GALNTL6: variants seen among roughly 807,000 people sequenced by gnomAD.
The protein encoded by GALNTL6 is polypeptide N-acetylgalactosaminyltransferase like 6, also known as polypeptide N-acetylgalactosaminyltransferase-like 6.
GALNTL6 carries 46 observed loss-of-function variants against 73.7 expected under a neutral mutation model. The ratio of observed to expected loss-of-function variants is 0.62; its 90% confidence interval spans 0.49 to 0.80. GALNTL6 has a LOEUF of 0.80. Ranked by LOEUF, GALNTL6 falls within the 30% of genes least tolerant of loss-of-function variation. The pLI is 0.00. For synonymous variants in GALNTL6, 259 were observed against 263.7 expected, an observed-to-expected ratio of 0.98 and a Z score of 0.17; for missense variants, 604 against 755.0, an observed-to-expected ratio of 0.80 and a Z score of 2.34.
intron 5 of GALNTL6, among the ~76,000 whole-genome samples, chr4:172,597,172 G>A (rs1051170506): frequency 2.6e-5 from 4 of 152,092 alleles, no homozygotes; most frequent in Non-Finnish European, 4.4e-5. Context: ...GCATTCTTAT[G>A]AGCTGGAGTC....
At chr4:172,837,427 TG>T (rs1374175716) in intron 7 of GALNTL6, among the ~76,000 whole-genome samples, 1 of 149,972 alleles carries the variant, frequency 6.7e-6, no homozygotes, top group South Asian at 2.1e-4. Context: ...AAAATTCAAA[TG>T]AAAAAAAAAT....
At chr4:172,655,676 T>C (rs1730960261) in intron 5 of GALNTL6, among the ~76,000 whole-genome samples, 1 of 152,208 alleles carries the variant, frequency 6.6e-6, no homozygotes, top group Non-Finnish European at 1.5e-5. Flanking sequence ...ATATGTCAAA[T>C]TTTCTACATT....
At chr4:172,023,862 T>C (rs997342235) in intron 2 of GALNTL6, among the ~76,000 whole-genome samples, 1 of 151,916 alleles carries the variant, frequency 6.6e-6, no homozygotes, top group African/African-American at 2.4e-5. Context: ...CAGTGTTTGC[T>C]CAAAACTCTC....
At chr4:172,662,960 G>C (rs1196503539) in intron 5 of GALNTL6, among the ~76,000 whole-genome samples, 1 of 152,200 alleles carries the variant, frequency 6.6e-6, no homozygotes, top group African/African-American at 2.4e-5. Context: ...AGAAATCTCA[G>C]CCATTTGAAC....
rs894139756 is a variant in GALNTL6 at position 172,568,913 on chromosome 4, AT to A, written c.553+220235del. Among the ~76,000 whole-genome samples the A allele has an allele frequency of 6.3e-3, 924 of 147,138 alleles. 8 individuals are homozygous for A. The highest frequency in any genetic ancestry group is 0.02 in the African/African-American group (823 of 40,288). ...TAAAACATTATGAGATCTTCTTGTG[AT>A]TTTTTTTTTTAGCTCATTATCTACT... is the stretch of plus-strand genomic sequence containing the variant. On this transcript the variant is annotated intron_variant, in intron 5 of 12. Coordinates refer to ENST00000506823, the MANE Select transcript of GALNTL6 (RefSeq NM_001034845.3).
intron 7 of GALNTL6, among the ~76,000 whole-genome samples, chr4:172,832,503 A>C (rs1189115635): frequency 1.3e-5 from 2 of 152,224 alleles, no homozygotes; most frequent in East Asian, 3.8e-4. Flanking sequence ...TCTGTGATAA[A>C]GTTTAAATTA....
intron 5 of GALNTL6, among the ~76,000 whole-genome samples, chr4:172,440,903 A>G (rs1561084377): frequency 6.6e-6 from 1 of 152,016 alleles, no homozygotes; most frequent in African/African-American, 2.4e-5. Context: ...TTTGTCTTTT[A>G]CTGTTAGCTT....
chr4:172,027,983 C>G (rs148615408), intron 2 of GALNTL6, among the ~76,000 whole-genome samples: 5 of 151,892 alleles, frequency 3.3e-5, no homozygotes, highest in African/African-American at 1.2e-4. Flanking sequence ...CAAAGTATAG[C>G]GGGAAGGGCT....
chr4:172,495,724 A>T (rs1353495556), intron 5 of GALNTL6, among the ~76,000 whole-genome samples: 1 of 152,106 alleles, frequency 6.6e-6, no homozygotes, highest in Non-Finnish European at 1.5e-5. Flanking sequence ...TAAAATGCAG[A>T]TTCTGATTCT....
intron 10 of GALNTL6, among the ~76,000 whole-genome samples, chr4:172,958,139 A>G (rs1706491830): frequency 1.3e-5 from 2 of 152,224 alleles, no homozygotes; most frequent in South Asian, 4.1e-4. Context: ...GTCAGGTGTG[A>G]GGAAGAAAAT....
At chr4:172,588,378 G>A (rs559894654) in intron 5 of GALNTL6, among the ~76,000 whole-genome samples, 1 of 152,124 alleles carries the variant, frequency 6.6e-6, no homozygotes, top group South Asian at 2.1e-4. Flanking sequence ...CAGATCACTT[G>A]AGGCCAGGAT....
intron 5 of GALNTL6, among the ~76,000 whole-genome samples, chr4:172,768,641 T>C (rs1457297417): frequency 6.6e-6 from 1 of 152,180 alleles, no homozygotes. Flanking sequence ...CTTGGACTTG[T>C]GGTGCCACCA....
chr4:172,723,572 T>C (rs1257684438), intron 5 of GALNTL6, among the ~76,000 whole-genome samples: 1 of 152,174 alleles, frequency 6.6e-6, no homozygotes, highest in African/African-American at 2.4e-5. Context: ...ACTTTTTTTT[T>C]CTGATTACTT....
chr4:172,259,631 A>G (rs1207446409), intron 3 of GALNTL6, among the ~76,000 whole-genome samples: 1 of 151,228 alleles, frequency 6.6e-6, no homozygotes, highest in Non-Finnish European at 1.5e-5. Flanking sequence ...CCATCTATTT[A>G]TTTTTGTTTT....
At chr4:172,101,311 T>G (rs935482660) in intron 2 of GALNTL6, among the ~76,000 whole-genome samples, 2 of 152,186 alleles carry the variant, frequency 1.3e-5, no homozygotes, top group Non-Finnish European at 2.9e-5. Flanking sequence ...TAAAGTAGAC[T>G]ATAAATTCAG....
At chr4:172,054,865 G>A (rs1730978256) in intron 2 of GALNTL6, among the ~76,000 whole-genome samples, 1 of 152,104 alleles carries the variant, frequency 6.6e-6, no homozygotes, top group African/African-American at 2.4e-5. Context: ...AGAGAAAGTT[G>A]TTAGTTCTGT....
chr4:172,599,710 C>T (rs913368172), intron 5 of GALNTL6, among the ~76,000 whole-genome samples: 5 of 152,072 alleles, frequency 3.3e-5, no homozygotes, highest in Admixed American at 2.6e-4. Flanking sequence ...TGGTGTGCTA[C>T]GTCTGAGCCA....
Position 171,813,759 on chromosome 4 carries a change from G to C in GALNTL6, c.-401G>C, listed in dbSNP as rs1273775640. 1.3e-5 allele frequency: 2 copies of C among 152,236 alleles called. No homozygotes were observed. Among genetic ancestry groups the C allele is most frequent in the Admixed American group, 6.5e-5 (1 of 15,284 alleles). The allele number at this position is 152,236 out of a possible 1,614,324, so 9.4% of individuals were successfully genotyped here. On this transcript the variant is annotated 5_prime_UTR_variant, in exon 1 of 13. Coordinates refer to ENST00000506823, the MANE Select transcript of GALNTL6 (RefSeq NM_001034845.3). This position sits in a 1 kb window ranked among gnomAD's most constrained non-coding sequence, Gnocchi z 5.2. Reference sequence around the variant, plus strand: ...TCCGAGGACCGCGCGAGGAAGGGACGTCGCGGCGCCACCACTTCCTGGCTG... The same window carrying C: ...TCCGAGGACCGCGCGAGGAAGGGACCTCGCGGCGCCACCACTTCCTGGCTG...
chr4:172,337,368 A>G (rs1053617270), intron 4 of GALNTL6, among the ~76,000 whole-genome samples: 2 of 152,160 alleles, frequency 1.3e-5, no homozygotes, highest in African/African-American at 2.4e-5. Flanking sequence ...TAGTTGCTTC[A>G]TAGAATCTAT....
Sources: allele counts gnomAD v4.1 joint callset (sites outside exome capture counted in the v4.1 genomes callset), GRCh38; gene constraint gnomAD v4.1.1; non-coding constraint Gnocchi (gnomAD v3.1); transcripts MANE v1.5; gene names NCBI Gene and HGNC (gene_info 2026-07-23, HGNC 2026-07-21).